Variants in ICA1 observed in about 807,000 individuals in gnomAD.
ICA1 encodes islet cell autoantigen 1.
Under a neutral mutation model 71.0 loss-of-function variants are expected in ICA1, and 40 were observed. The observed-to-expected ratio is 0.56, with a 90% CI of 0.44 to 0.73. The LOEUF (loss-of-function observed/expected upper bound fraction) is 0.73. ICA1 is among the 30% of genes least tolerant of loss of function. The probability of loss-of-function intolerance (pLI) is 0.00; values close to 1 mark genes in which losing one functional copy is unlikely to be tolerated. For synonymous variants in ICA1, 207 were observed against 209.5 expected, an observed-to-expected ratio of 0.99 and a Z score of 0.10; for missense variants, 578 against 576.5, an observed-to-expected ratio of 1.00 and a Z score of -0.03.
At chr7:8,171,654 C>T (rs891121145) in intron 6 of ICA1, among the ~76,000 whole-genome samples, 1 of 151,674 alleles carries the variant, frequency 6.6e-6, no homozygotes, top group Non-Finnish European at 1.5e-5. Context: ...CTTCTGTGTA[C>T]TTAGGTTTAA....
At position 8,222,065 on chromosome 7, in the gene ICA1, G is replaced by A. The variant is rs908026875; in HGVS notation, c.257-667C>T. Among the ~76,000 whole-genome samples, 1 of 152,126 alleles carries A rather than the reference G, an allele frequency of 6.6e-6. No individual in the cohort carries two copies. Among genetic ancestry groups the A allele is most frequent in the African/African-American group, 2.4e-5 (1 of 41,424 alleles). ...ATTTGGTGCAAGCTTTCTGCAGACT[G>A]ATTTGACGGTAAACATTTAAAAAAT... On this transcript the variant is annotated intron_variant, in intron 4 of 13. Coordinates refer to ENST00000402384, the MANE Select transcript of ICA1 (RefSeq NM_001136020.3). This position sits in a 1 kb window ranked among gnomAD's most constrained non-coding sequence, Gnocchi z 4.8.
At chr7:8,182,848 T>C (rs919051401) in intron 6 of ICA1, among the ~76,000 whole-genome samples, 1 of 152,240 alleles carries the variant, frequency 6.6e-6, no homozygotes, top group Non-Finnish European at 1.5e-5. Context: ...ACTGTAAGGT[T>C]GGCAGTGTAA....
intron 6 of ICA1, among the ~76,000 whole-genome samples, chr7:8,189,451 C>T (rs1784872718): frequency 1.3e-5 from 2 of 152,230 alleles, no homozygotes; most frequent in South Asian, 4.1e-4. Flanking sequence ...CTTTCGCCTC[C>T]TCGCTCTGCT....
At chr7:8,201,229 C>G in intron 6 of ICA1, among the ~76,000 whole-genome samples, 1 of 152,208 alleles carries the variant, frequency 6.6e-6, no homozygotes, top group East Asian at 1.9e-4. Flanking sequence ...TCTCCAGCTT[C>G]TGACAGCCCA....
chr7:8,167,283 C>A (rs1217606082), intron 6 of ICA1, among the ~76,000 whole-genome samples: 6 of 152,164 alleles, frequency 3.9e-5, no homozygotes, highest in African/African-American at 1.4e-4. Context: ...CCATAGCATA[C>A]TACACAGCCA....
chr7:8,218,485 A>G lies in ICA1; in HGVS notation c.399T>C (p.Pro133=). ...SSQQRLALRN[P]LCRFHQEVET... ...CCACTTCTTGGTGAAATCGACACAA[A>G]GGATTTCGTAAGGCCAACCTAGACA... Residue 133 remains proline (P), a synonymous_variant, in exon 6 of 14, where the codon CCT becomes CCC. Transcript: ENST00000402384. The G allele has an allele frequency of 6.2e-7, 1 of 1,614,090 alleles. No homozygotes were observed. The highest frequency in any genetic ancestry group is 8.5e-7 in the Non-Finnish European group (1 of 1,179,964).
At chr7:8,154,581 G>A (rs1033688046) in intron 8 of ICA1, among the ~76,000 whole-genome samples, 1 of 151,978 alleles carries the variant, frequency 6.6e-6, no homozygotes, top group African/African-American at 2.4e-5. Context: ...GCATTTCAGG[G>A]GCTATTTGCT....
At chr7:8,127,682 G>T (rs1471092930) in intron 13 of ICA1, among the ~76,000 whole-genome samples, 191 bp downstream of exon 13, 5 of 152,064 alleles carry the variant, frequency 3.3e-5, no homozygotes, top group African/African-American at 9.7e-5. Context: ...ACACAGGGGA[G>T]AATTATGAAA....
At chr7:8,128,186 A>T in intron 12 of ICA1, 44 bp from the exon 13 acceptor site, 1 of 1,586,672 alleles carries the variant, frequency 6.3e-7, no homozygotes, top group Non-Finnish European at 8.6e-7. Flanking sequence ...CGGAGGGCTC[A>T]AGCCCTCAGG....
intron 8 of ICA1, among the ~76,000 whole-genome samples, chr7:8,148,791 T>G (rs1229685752): frequency 6.6e-6 from 1 of 152,154 alleles, no homozygotes; most frequent in African/African-American, 2.4e-5. Context: ...AACTTGTTTC[T>G]TACAAAAGAT....
chr7:8,144,264 C>T lies in ICA1; in HGVS notation c.805-292G>A, dbSNP rs558485106. Reference sequence around the variant, plus strand: ...TCCATTTTGTGATAAGTTATTCAAACGTGGCCTTTTGGCTATTGCTAACTT... The same window carrying T: ...TCCATTTTGTGATAAGTTATTCAAATGTGGCCTTTTGGCTATTGCTAACTT... On this transcript the variant is annotated intron_variant, in intron 8 of 13. Transcript: ENST00000402384. The surrounding 1 kb of genome is among the most constrained non-coding windows in gnomAD (Gnocchi z 4.5). 2.6e-5 allele frequency among the ~76,000 whole-genome samples: 4 copies of T among 152,296 alleles called. No homozygotes were observed. Among genetic ancestry groups the T allele is most frequent in the South Asian group, 2.1e-4 (1 of 4,826 alleles).
At chr7:8,128,217 C>A in intron 12 of ICA1, 75 bp from the exon 13 acceptor site, 1 of 1,472,762 alleles carries the variant, frequency 6.8e-7, no homozygotes. Context: ...GTGGGGGCTG[C>A]GAAGGGGGAG....
In ICA1 at chr7:8,129,380, A is replaced by ATTTT. The variant is rs1172804880; in HGVS notation, c.1061-1239_1061-1238insAAAA. Among the ~76,000 whole-genome samples, 870 of 149,224 alleles carry ATTTT rather than the reference A, an allele frequency of 5.8e-3. 5 individuals carry two copies. Among genetic ancestry groups the ATTTT allele is most frequent in the Middle Eastern group, 0.017 (5 of 292 alleles). ...AGTAAGTAAAGGCTTTTTTTTTAAAAAAAAAAAAGTTCTCTGTGTTGGCTT... is the reference window on the plus strand; with the variant it reads ...AGTAAGTAAAGGCTTTTTTTTTAAAATTTTAAAAAAAAGTTCTCTGTGTTGGCTT... On this transcript the variant is annotated intron_variant, in intron 12 of 13. Transcript: ENST00000402384.
chr7:8,118,490 T>C (rs1040922375), intron 13 of ICA1, among the ~76,000 whole-genome samples: 10 of 152,306 alleles, frequency 6.6e-5, no homozygotes, highest in Middle Eastern at 3.4e-3. Context: ...TTTTGGCATA[T>C]AAATTATACT....
intron 6 of ICA1, among the ~76,000 whole-genome samples, chr7:8,169,493 G>A (rs1807461432): frequency 6.6e-6 from 1 of 152,032 alleles, no homozygotes; most frequent in Admixed American, 6.6e-5. Context: ...ATGAATACAA[G>A]TTCTATTTGC....
chr7:8,224,517 T>C (rs1162625310), intron 4 of ICA1, among the ~76,000 whole-genome samples: 1 of 152,208 alleles, frequency 6.6e-6, no homozygotes, highest in African/African-American at 2.4e-5. Flanking sequence ...AAACAGTATA[T>C]AGAGTTCCTG....
At chr7:8,156,739 T>C (rs1275210752) in intron 8 of ICA1, 1 of 1,233,438 alleles carries the variant, frequency 8.1e-7, no homozygotes, top group Non-Finnish European at 1.1e-6. Context: ...TAATTAAAAG[T>C]AACTGAGTTT....
rs1433215385 is a variant in ICA1, at chr7:8,251,515, C to T, written c.-80+10579G>A. Among the ~76,000 whole-genome samples the T allele has an allele frequency of 2.7e-5, 4 of 150,524 alleles. No individual in the cohort carries two copies. In the Admixed American group the frequency reaches 2.7e-4, roughly 10 times the overall value. On this transcript the variant is annotated intron_variant, in intron 1 of 13. Transcript: ENST00000402384. Reference sequence around the variant, plus strand: ...CTCAAATTATTTTCAGAGACATTTACATCTAAGATAAAGCTTAGAGATAAT... The same window carrying T: ...CTCAAATTATTTTCAGAGACATTTATATCTAAGATAAAGCTTAGAGATAAT...
chr7:8,184,576 T>A (rs188458690), intron 6 of ICA1, among the ~76,000 whole-genome samples: 2 of 152,234 alleles, frequency 1.3e-5, no homozygotes, highest in African/African-American at 4.8e-5. Context: ...TCTCTCTTCC[T>A]AGGCCACTTA....
Sources: gnomAD v4.1 joint callset for allele counts (sites outside exome capture counted in the v4.1 genomes callset) on GRCh38, gnomAD v4.1.1 for gene constraint, Gnocchi (gnomAD v3.1) non-coding constraint, MANE v1.5 for transcripts, NCBI Gene and HGNC (gene_info 2026-07-23, HGNC 2026-07-21) for gene names.